Variants in KCNH8 observed in about 807,000 individuals in gnomAD.
KCNH8 encodes potassium voltage-gated channel subfamily H member 8, also known as voltage-gated delayed rectifier potassium channel KCNH8.
In KCNH8, 70 loss-of-function variants were observed where a neutral mutation model predicts 103.6. The ratio of observed to expected loss-of-function variants is 0.68; its 90% confidence interval spans 0.56 to 0.82. KCNH8 has a LOEUF of 0.82. KCNH8 is among the 40% of genes least tolerant of loss of function. The pLI, the probability that KCNH8 is intolerant of heterozygous loss-of-function variation, is 0.00. For missense variants in KCNH8, 1,217 were observed against 1,329.9 expected (o/e 0.92, Z 1.32); for synonymous variants, 498 against 489.4 (o/e 1.02, Z -0.23).
intron 1 of KCNH8, among the ~76,000 whole-genome samples, chr3:19,196,252 T>C (rs568850077): frequency 4.1e-4 from 63 of 152,140 alleles, no homozygotes; most frequent in African/African-American, 1.5e-3. Flanking sequence ...GAAATAGTTC[T>C]ACTCTTTTTC....
chr3:19,525,814 C>A (rs997426632), intron 15 of KCNH8, among the ~76,000 whole-genome samples: 1 of 151,936 alleles, frequency 6.6e-6, no homozygotes, highest in South Asian at 2.1e-4. Context: ...TCTAGTCTCT[C>A]CAGCTGTAGA....
chr3:19,500,717 G>C (rs140820120), intron 11 of KCNH8, among the ~76,000 whole-genome samples: 24,171 of 152,034 alleles, frequency 0.16, 2,083 homozygotes, highest in Middle Eastern at 0.24. Flanking sequence ...AAATAAAGAT[G>C]TTCTTTGAAA....
At chr3:19,525,554 A>G (rs1575174939) in intron 15 of KCNH8, among the ~76,000 whole-genome samples, 1 of 151,968 alleles carries the variant, frequency 6.6e-6, no homozygotes. Context: ...TGACAAAAGC[A>G]GTCAAAGGGT....
chr3:19,422,744 A>G (rs1418781966), intron 7 of KCNH8, among the ~76,000 whole-genome samples: 2 of 152,104 alleles, frequency 1.3e-5, no homozygotes, highest in African/African-American at 2.4e-5. Context: ...AATCAAGTAT[A>G]TAAGAAAGAC....
chr3:19,502,376 C>T (rs1370836359), intron 11 of KCNH8, among the ~76,000 whole-genome samples: 2 of 149,902 alleles, frequency 1.3e-5, no homozygotes, highest in African/African-American at 4.9e-5. Context: ...CAATGCCATC[C>T]CCATCAAGCT....
Position 19,347,972 on chromosome 3 carries a change from A to G in KCNH8, c.811+7A>G. 1 of 1,610,336 alleles carries G rather than the reference A, an allele frequency of 6.2e-7. No individual in the cohort carries two copies. The highest frequency in any genetic ancestry group is 8.5e-7 in the Non-Finnish European group (1 of 1,177,616). ...GAGATTCTTTTTATTATAGGTAAGA[A>G]CAAACAGCTGCTTTCCTACGATATT... On this transcript the variant is annotated splice_region_variant and intron_variant, in intron 5 of 15. Transcript: ENST00000328405.
intron 11 of KCNH8, among the ~76,000 whole-genome samples, chr3:19,484,946 A>G (rs1005427041): frequency 3.3e-5 from 5 of 152,150 alleles, no homozygotes; most frequent in Non-Finnish European, 7.4e-5. Context: ...TTTTCTTAGA[A>G]GGAGTGCATT....
intron 5 of KCNH8, among the ~76,000 whole-genome samples, chr3:19,382,833 T>C (rs2125125797): frequency 6.6e-6 from 1 of 152,192 alleles, no homozygotes; most frequent in African/African-American, 2.4e-5. Flanking sequence ...AATCTCAATG[T>C]CTCAGTGGGA....
At chr3:19,286,906 A>G (rs1559459748) in intron 3 of KCNH8, among the ~76,000 whole-genome samples, 1 of 152,202 alleles carries the variant, frequency 6.6e-6, no homozygotes, top group Non-Finnish European at 1.5e-5. Flanking sequence ...CCTAGCAAAC[A>G]TAATTAATGA....
intron 2 of KCNH8, among the ~76,000 whole-genome samples, chr3:19,278,895 T>A (rs770451126): frequency 5.9e-5 from 9 of 152,142 alleles, no homozygotes; most frequent in Non-Finnish European, 1.0e-4. Context: ...TTTCACCTCA[T>A]GTGGTTTTGG....
At chr3:19,414,122 G>A (rs982882864) in intron 7 of KCNH8, among the ~76,000 whole-genome samples, 1 of 152,008 alleles carries the variant, frequency 6.6e-6, no homozygotes, top group Non-Finnish European at 1.5e-5. Context: ...TGGGACAATC[G>A]TCCCTCTACA....
At chr3:19,340,576 C>T (rs576230280) in intron 3 of KCNH8, among the ~76,000 whole-genome samples, 1 of 152,036 alleles carries the variant, frequency 6.6e-6, no homozygotes, top group Non-Finnish European at 1.5e-5. Context: ...ATTTATTTTT[C>T]TTGAACAGTA....
chr3:19,226,583 T>TC lies in KCNH8; in HGVS notation c.77-27071_77-27070insC, dbSNP rs1491222032. ...CTCTCTCTCTCTGTTTCTTTCAGTCTTTCTCTCTCTCTCTCTCTGTCACAC... is the reference window on the plus strand; with the variant it reads ...CTCTCTCTCTCTGTTTCTTTCAGTCTCTTCTCTCTCTCTCTCTCTGTCACAC... On this transcript the variant is annotated intron_variant, in intron 1 of 15. Coordinates refer to ENST00000328405, the MANE Select transcript of KCNH8 (RefSeq NM_144633.3). Among the ~76,000 whole-genome samples the TC allele has an allele frequency of 1.1e-3, 156 of 147,164 alleles. 1 individual carries two copies. The highest frequency in any genetic ancestry group is 3.5e-3 in the African/African-American group (129 of 36,828).
At chr3:19,424,524 G>T (rs1234339443) in intron 7 of KCNH8, among the ~76,000 whole-genome samples, 1 of 152,046 alleles carries the variant, frequency 6.6e-6, no homozygotes, top group Admixed American at 6.6e-5. Context: ...TATAACATCA[G>T]AAAAACTCGT....
chr3:19,318,113 G>T (rs2065299077), intron 3 of KCNH8, among the ~76,000 whole-genome samples: 1 of 151,820 alleles, frequency 6.6e-6, no homozygotes, highest in Non-Finnish European at 1.5e-5. Context: ...AAGCTGATAA[G>T]CAACTTCAGC....
chr3:19,221,441 A>G (rs1253393950), intron 1 of KCNH8, among the ~76,000 whole-genome samples: 1 of 152,230 alleles, frequency 6.6e-6, no homozygotes, highest in East Asian at 1.9e-4. Context: ...GTCAGTGATT[A>G]ATAAAGCCAT....
At chr3:19,527,101 C>T (rs1340818188) in intron 15 of KCNH8, among the ~76,000 whole-genome samples, 1 of 151,986 alleles carries the variant, frequency 6.6e-6, no homozygotes, top group Non-Finnish European at 1.5e-5. Flanking sequence ...AATGCAGCTG[C>T]TCAAACTTTG....
chr3:19,290,897 A>C (rs1444459402), intron 3 of KCNH8, among the ~76,000 whole-genome samples: 1 of 152,132 alleles, frequency 6.6e-6, no homozygotes, highest in Admixed American at 6.5e-5. Flanking sequence ...TTGGTAAGCT[A>C]TTAATTATTG....
At chr3:19,174,008 A>G (rs956418710) in intron 1 of KCNH8, among the ~76,000 whole-genome samples, 3 of 149,620 alleles carry the variant, frequency 2.0e-5, no homozygotes, top group African/African-American at 4.9e-5. Flanking sequence ...TTTCTCCCCT[A>G]TTACCACTCT....
Sources: gnomAD v4.1 joint callset for allele counts (sites outside exome capture counted in the v4.1 genomes callset) on GRCh38, gnomAD v4.1.1 for gene constraint, MANE v1.5 for transcripts, NCBI Gene and HGNC (gene_info 2026-07-23, HGNC 2026-07-21) for gene names.